The following UBE2D2 variants were observed in gnomAD, a reference collection of about 807,000 sequenced individuals.
The protein encoded by UBE2D2 is ubiquitin-conjugating enzyme E2 D2.
Under a neutral mutation model 24.2 loss-of-function variants are expected in UBE2D2, and 2 were observed. The observed-to-expected ratio is 0.08, with a 90% CI of 0.03 to 0.26. The LOEUF is 0.26. Among genes scored for constraint, UBE2D2 ranks in the 10% least tolerant of loss-of-function variants. The probability of loss-of-function intolerance (pLI) is 1.00; values close to 1 mark genes in which losing one functional copy is unlikely to be tolerated. For missense variants in UBE2D2, 44 were observed against 177.6 expected, an observed-to-expected ratio of 0.25 and a Z score of 4.28; for synonymous variants, 58 against 56.5, an observed-to-expected ratio of 1.03 and a Z score of -0.12.
intron 1 of UBE2D2, among the ~76,000 whole-genome samples, chr5:139,570,023 A>G (rs1044906058): frequency 6.6e-6 from 1 of 152,176 alleles, no homozygotes; most frequent in Non-Finnish European, 1.5e-5. Flanking sequence ...TGGGAGGCCA[A>G]GGTGGGAGGA....
intron 2 of UBE2D2, among the ~76,000 whole-genome samples, chr5:139,609,376 C>CTTT (rs371370988): frequency 6.8e-6 from 1 of 146,318 alleles, no homozygotes; most frequent in Non-Finnish European, 1.5e-5. Context: ...GACCCCATCT[C>CTTT]TTTTTTTTTT....
At chr5:139,541,916 G>A (rs574506175) in intron 1 of UBE2D2, among the ~76,000 whole-genome samples, 2 of 152,096 alleles carry the variant, frequency 1.3e-5, no homozygotes, top group South Asian at 4.1e-4. Context: ...GCCGGGTATG[G>A]TGGCACACAA....
At chr5:139,553,259 A>G (rs1319544898) in intron 1 of UBE2D2, among the ~76,000 whole-genome samples, 1 of 152,222 alleles carries the variant, frequency 6.6e-6, no homozygotes, top group Non-Finnish European at 1.5e-5. Context: ...ATAACAGGTT[A>G]TTCAATACTG....
At chr5:139,590,782 CTTTTTTTTTTTTTTTT>C (rs57962602) in intron 1 of UBE2D2, among the ~76,000 whole-genome samples, 16 of 38,422 alleles carry the variant, frequency 4.2e-4, no homozygotes, top group South Asian at 1.8e-3. Flanking sequence ...TTCTCTTCTT[CTTTTTTTTTTTTTTTT>C]TTTTTTTTTT....
chr5:139,590,779 CTTCTTT>C (rs1753829149), intron 1 of UBE2D2, among the ~76,000 whole-genome samples: 1 of 55,994 alleles, frequency 1.8e-5, no homozygotes, highest in Non-Finnish European at 3.7e-5. Context: ...ATTTTCTCTT[CTTCTTT>C]TTTTTTTTTT....
intron 1 of UBE2D2, among the ~76,000 whole-genome samples, chr5:139,567,297 A>G (rs1382303818): frequency 6.6e-6 from 1 of 151,962 alleles, no homozygotes; most frequent in Non-Finnish European, 1.5e-5. Flanking sequence ...ACGGGGTTTC[A>G]CCATATTGGC....
intron 1 of UBE2D2, among the ~76,000 whole-genome samples, chr5:139,583,766 GA>G (rs1160426551): frequency 2.6e-5 from 4 of 152,040 alleles, no homozygotes; most frequent in Admixed American, 2.0e-4. Context: ...CATCTCGAAA[GA>G]AAAAGAAGTT....
chr5:139,608,686 C>T lies in UBE2D2; in HGVS notation c.89-5900C>T, dbSNP rs191061139. 7.9e-5 allele frequency among the ~76,000 whole-genome samples: 12 copies of T among 152,224 alleles called. No individual in the cohort carries two copies. The East Asian group carries it at 2.3e-3, about 29-fold the overall frequency. On this transcript the variant is annotated intron_variant, in intron 2 of 6. Coordinates refer to ENST00000398733, the MANE Select transcript of UBE2D2 (RefSeq NM_003339.3). ...TGCTTCAACCCTGTTGGGGATTCTG[C>T]GTTGTCCAATTGTTAGTAGATTTTG...
rs372751746 is a variant in UBE2D2 at position 139,545,315 on chromosome 5, G to A, written c.-64+18703G>A. Among the ~76,000 whole-genome samples, 47 of 151,580 alleles carry A rather than the reference G, an allele frequency of 3.1e-4. No homozygotes were observed. In the Middle Eastern group the frequency reaches 0.01, roughly 34 times the overall value. On this transcript the variant is annotated intron_variant, in intron 1 of 6. Transcript: ENST00000511725. ...ATTCCTGGACTCAAGGTATCCTCCT[G>A]CCTCGGCCTCTAGAGTAGCTGAGAC...
chr5:139,625,469 G>C (rs1320764764), intron 6 of UBE2D2, among the ~76,000 whole-genome samples: 2 of 112,514 alleles, frequency 1.8e-5, no homozygotes, highest in Non-Finnish European at 3.4e-5. Context: ...TTTGAGGCAG[G>C]GTCTTGCTCT....
At chr5:139,572,625 C>T (rs1753373652) in intron 1 of UBE2D2, among the ~76,000 whole-genome samples, 2 of 151,532 alleles carry the variant, frequency 1.3e-5, no homozygotes, top group East Asian at 1.9e-4. Context: ...CACAAATTAC[C>T]TCAGATAAAT....
At chr5:139,533,342 A>C (rs528722091) in intron 1 of UBE2D2, among the ~76,000 whole-genome samples, 2 of 151,930 alleles carry the variant, frequency 1.3e-5, no homozygotes, top group African/African-American at 4.8e-5. Flanking sequence ...TATACCTCAA[A>C]AAAGAGGTTG....
In UBE2D2 at chr5:139,539,411, T is replaced by C. The variant is rs1468094124; in HGVS notation, c.-64+12799T>C. On this transcript the variant is annotated intron_variant, in intron 1 of 6. Coordinates refer to the UBE2D2 transcript ENST00000511725. Reference sequence around the variant, plus strand: ...ACAAAATTATAGACAGAAAATACATTAGTAATTGCCAGGGCTTAGGGAGAT... The same window carrying C: ...ACAAAATTATAGACAGAAAATACATCAGTAATTGCCAGGGCTTAGGGAGAT... Among the ~76,000 whole-genome samples the C allele has an allele frequency of 7.2e-5, 11 of 152,202 alleles. No homozygotes were observed. In the South Asian group the frequency reaches 2.3e-3, roughly 32 times the overall value.
chr5:139,527,383 A>C (rs1752554298), intron 1 of UBE2D2, among the ~76,000 whole-genome samples: 1 of 152,230 alleles, frequency 6.6e-6, no homozygotes, highest in African/African-American at 2.4e-5. Context: ...ATCTATACCA[A>C]TTTTAAGTTA....
chr5:139,535,509 A>T (rs973618290), intron 1 of UBE2D2, among the ~76,000 whole-genome samples: 1 of 148,788 alleles, frequency 6.7e-6, no homozygotes, highest in Admixed American at 6.7e-5. Context: ...GACGCCTGTA[A>T]TCCCAGCTAC....
At chr5:139,589,450 C>T (rs907323961) in intron 1 of UBE2D2, among the ~76,000 whole-genome samples, 1 of 152,036 alleles carries the variant, frequency 6.6e-6, no homozygotes, top group African/African-American at 2.4e-5. Flanking sequence ...GTCCTAGCTA[C>T]TTGGGAGGCT....
chr5:139,612,557 T>C (rs536336502), intron 2 of UBE2D2, among the ~76,000 whole-genome samples: 1 of 152,332 alleles, frequency 6.6e-6, no homozygotes, highest in South Asian at 2.1e-4. Flanking sequence ...GCAGGTACAA[T>C]TAATACTCTT....
intron 2 of UBE2D2, among the ~76,000 whole-genome samples, chr5:139,605,591 CAA>C (rs70988710): frequency 1.3e-3 from 57 of 44,716 alleles, no homozygotes; most frequent in Middle Eastern, 0.036. Flanking sequence ...GACTCTGTCT[CAA>C]AAAAAAAAAA....
At chr5:139,531,005 T>G (rs1752590554) in intron 1 of UBE2D2, among the ~76,000 whole-genome samples, 2 of 152,088 alleles carry the variant, frequency 1.3e-5, no homozygotes, top group South Asian at 4.1e-4. Context: ...ACTATCAATC[T>G]ATTGCACAAA....
Sources: allele counts gnomAD v4.1 joint callset (sites outside exome capture counted in the v4.1 genomes callset), GRCh38; gene constraint gnomAD v4.1.1; transcripts MANE v1.5; gene names NCBI Gene and HGNC (gene_info 2026-07-23, HGNC 2026-07-21).